The following PRKCZ variants were observed in gnomAD, a reference collection of about 807,000 sequenced individuals.
The protein encoded by PRKCZ is protein kinase C zeta type.
In PRKCZ, 33 loss-of-function variants were observed where a neutral mutation model predicts 79.5. The observed-to-expected ratio is 0.41, with a 90% CI of 0.31 to 0.55. The LOEUF is 0.55. PRKCZ is among the 20% of genes least tolerant of loss of function. The probability of loss-of-function intolerance (pLI) is 0.19; values close to 1 mark genes in which losing one functional copy is unlikely to be tolerated. For synonymous variants in PRKCZ, 342 were observed against 320.9 expected (o/e 1.07, Z -0.70); for missense variants, 578 against 813.5 (o/e 0.71, Z 3.52).
At chr1:2,148,509 T>C (rs1162370400) in intron 7 of PRKCZ, among the ~76,000 whole-genome samples, 1 of 152,244 alleles carries the variant, frequency 6.6e-6, no homozygotes, top group Non-Finnish European at 1.5e-5. Flanking sequence ...ATCCGTCTTC[T>C]ATCCAGGCCT....
At position 2,123,416 on chromosome 1, in the gene PRKCZ, G is replaced by T. The variant is rs1672937853; in HGVS notation, c.335-11846G>T. ...GGCGGTGGTTAGGGTCACGGTGGTG[G>T]TTAGGGTTGTGGTGGTTAGGGTCGT... On this transcript the variant is annotated intron_variant, in intron 4 of 17. Coordinates refer to ENST00000378567, the MANE Select transcript of PRKCZ (RefSeq NM_002744.6). 1.5e-4 allele frequency among the ~76,000 whole-genome samples: 2 copies of T among 13,476 alleles called. 1 individual carries two copies. The highest frequency in any genetic ancestry group is 2.3e-4 in the Non-Finnish European group (2 of 8,540). 8.8% of individuals were successfully genotyped at this position (13,476 alleles called of 152,430 possible).
At chr1:2,099,648 T>G (rs1344530564) in intron 4 of PRKCZ, among the ~76,000 whole-genome samples, 1 of 151,956 alleles carries the variant, frequency 6.6e-6, no homozygotes, top group Non-Finnish European at 1.5e-5. Flanking sequence ...GTGTGGGTGG[T>G]GCCCAGGCAT....
chr1:2,143,260 ACCT>A (rs1047332071), intron 5 of PRKCZ: 1 of 151,150 alleles, frequency 6.6e-6, no homozygotes, highest in Non-Finnish European at 1.5e-5. Context: ...CAATCTCCTG[ACCT>A]CCTGATCCAC....
chr1:2,083,038 G>T (rs1036150539), intron 4 of PRKCZ, among the ~76,000 whole-genome samples: 9 of 152,202 alleles, frequency 5.9e-5, no homozygotes, highest in South Asian at 2.1e-4. Context: ...TGAACAGGAA[G>T]TTACATTTAG....
At chr1:2,159,253 C>A (rs1026919827) in intron 10 of PRKCZ, among the ~76,000 whole-genome samples, 3 of 152,262 alleles carry the variant, frequency 2.0e-5, no homozygotes, top group African/African-American at 7.2e-5. Flanking sequence ...ATCGGCAAGG[C>A]GGCCACGCGT....
chr1:2,071,446 G>T, intron 4 of PRKCZ: 1 of 301,208 alleles, frequency 3.3e-6, no homozygotes, highest in Non-Finnish European at 6.8e-6. Context: ...CTGGGTGGGC[G>T]GGTTACCACG....
At chr1:2,160,036 C>G (rs1056922404) in intron 10 of PRKCZ, among the ~76,000 whole-genome samples, 1 of 152,158 alleles carries the variant, frequency 6.6e-6, no homozygotes, top group Non-Finnish European at 1.5e-5. Flanking sequence ...ACTCGCTGTT[C>G]TAAAATAAAA....
chr1:2,060,571 A>G (rs930305248), intron 4 of PRKCZ, among the ~76,000 whole-genome samples: 1 of 151,976 alleles, frequency 6.6e-6, no homozygotes, highest in African/African-American at 2.4e-5. Context: ...AGGCCCCAGG[A>G]GCCATGGGAT....
At chr1:2,056,431 C>A (rs984195146) in intron 2 of PRKCZ, 53 bp from the exon 3 acceptor site, 4 of 1,530,292 alleles carry the variant, frequency 2.6e-6, no homozygotes, top group Non-Finnish European at 2.7e-6. Context: ...TCGTCACAGC[C>A]CCCTTTGCCT....
chr1:2,055,749 G>A, intron 2 of PRKCZ, 187 bp downstream of exon 2: 1 of 851,858 alleles, frequency 1.2e-6, no homozygotes, highest in East Asian at 2.9e-5. Flanking sequence ...GCTTATCAAG[G>A]ACCTGGGCCC....
intron 9 of PRKCZ, among the ~76,000 whole-genome samples, chr1:2,153,967 C>T (rs369193945): frequency 7.9e-5 from 12 of 152,340 alleles, no homozygotes; most frequent in Admixed American, 3.3e-4. Context: ...CCCTTCCCAC[C>T]GATTCTGCAG....
Position 2,165,182 on chromosome 1 carries a change from T to TC in PRKCZ, c.975-4334dup, listed in dbSNP as rs1683089392. On this transcript the variant is annotated intron_variant, in intron 10 of 17. Transcript: ENST00000378567. The surrounding 1 kb of genome is among the most constrained non-coding windows in gnomAD (Gnocchi z 4.1). ...TCTGTGGATTCAGCTTTACCGCCTT[T>TC]CCTCATCTGCTGGTGTCTTCCTCAG... 6.6e-6 allele frequency among the ~76,000 whole-genome samples: 1 copy of TC among 152,224 alleles called. No homozygotes were observed. The highest frequency in any genetic ancestry group is 2.1e-4 in the South Asian group (1 of 4,838).
intron 4 of PRKCZ, among the ~76,000 whole-genome samples, chr1:2,080,656 G>A (rs1473846781): frequency 6.6e-6 from 1 of 152,184 alleles, no homozygotes; most frequent in Non-Finnish European, 1.5e-5. Context: ...TAATGCGTGA[G>A]TTACACTTCA....
At chr1:2,124,209 C>G (rs1359840781) in intron 4 of PRKCZ, among the ~76,000 whole-genome samples, 1 of 5,518 alleles carries the variant, frequency 1.8e-4, no homozygotes, top group African/African-American at 9.8e-4. Context: ...AGGGTCACGG[C>G]TGTAGTTAGC....
intron 3 of PRKCZ, among the ~76,000 whole-genome samples, chr1:2,058,611 T>C (rs775365099): frequency 3.4e-4 from 52 of 152,190 alleles, no homozygotes; most frequent in Admixed American, 5.9e-4. Context: ...AAAAGAAAAA[T>C]AGGGCTGGGT....
chr1:2,091,154 C>T (rs1311739312), intron 4 of PRKCZ, among the ~76,000 whole-genome samples: 20 of 152,314 alleles, frequency 1.3e-4, no homozygotes, highest in East Asian at 1.9e-4. Context: ...GCCTCAGCTT[C>T]CCAAGTAGCT....
chr1:2,100,407 C>T (rs1458917173), intron 4 of PRKCZ, among the ~76,000 whole-genome samples: 7 of 152,222 alleles, frequency 4.6e-5, no homozygotes, highest in African/African-American at 1.4e-4. Flanking sequence ...TTCCTCCAGG[C>T]ACCTCCCTGA....
intron 10 of PRKCZ, among the ~76,000 whole-genome samples, chr1:2,167,812 C>T (rs998096412): frequency 6.6e-6 from 1 of 152,152 alleles, no homozygotes; most frequent in African/African-American, 2.4e-5. Flanking sequence ...ACCATGTTGG[C>T]CAGGATGGTC....
chr1:2,053,201 A>G (rs1659849293), intron 1 of PRKCZ, among the ~76,000 whole-genome samples: 1 of 151,912 alleles, frequency 6.6e-6, no homozygotes. Context: ...CCGAGGTTCA[A>G]GCAATTCTCC....
Sources: gnomAD v4.1 joint callset for allele counts (sites outside exome capture counted in the v4.1 genomes callset) on GRCh38, gnomAD v4.1.1 for gene constraint, Gnocchi (gnomAD v3.1) non-coding constraint, MANE v1.5 for transcripts, NCBI Gene and HGNC (gene_info 2026-07-23, HGNC 2026-07-21) for gene names.